The following NT5DC1 variants were observed in gnomAD, a reference collection of about 807,000 sequenced individuals.
The protein encoded by NT5DC1 is 5'-nucleotidase domain-containing protein 1.
Under a neutral mutation model 59.4 loss-of-function variants are expected in NT5DC1, and 42 were observed. The ratio of observed to expected loss-of-function variants is 0.71; its 90% CI spans 0.55 to 0.92. NT5DC1 has a LOEUF of 0.92. Ranked by LOEUF, NT5DC1 falls within the 40% of genes least tolerant of loss-of-function variation. The pLI, the probability that NT5DC1 is intolerant of heterozygous loss-of-function variation, is 0.00. For synonymous variants in NT5DC1, 172 were observed against 188.1 expected (o/e 0.91, Z 0.70); for missense variants, 501 against 537.1 (o/e 0.93, Z 0.66).
In NT5DC1 at chr6:116,245,332, T is replaced by A. The variant is rs1166673484; in HGVS notation, c.*1308T>A. 1.3e-5 allele frequency: 2 copies of A among 152,542 alleles called. No individual in the cohort carries two copies. Among genetic ancestry groups the A allele is most frequent in the East Asian group, 3.9e-4 (2 of 5,192 alleles). The allele number at this position is 152,542 out of a possible 1,614,324, so 9.4% of individuals were successfully genotyped here. On this transcript the variant is annotated 3_prime_UTR_variant, in exon 12 of 12. Coordinates refer to ENST00000319550, the MANE Select transcript of NT5DC1 (RefSeq NM_152729.3). ...CTGGTTTACAAACACTATCATTATT[T>A]TACCTGGATTGAAGTGCAGAATTTG...
chr6:116,170,383 G>C (rs983921791), intron 6 of NT5DC1, among the ~76,000 whole-genome samples: 4 of 152,114 alleles, frequency 2.6e-5, no homozygotes, highest in Non-Finnish European at 5.9e-5. Context: ...ATTCTGCCAC[G>C]TAGTTGGTGT....
intron 6 of NT5DC1, among the ~76,000 whole-genome samples, chr6:116,207,294 A>G (rs925451993): frequency 7.6e-6 from 1 of 132,360 alleles, no homozygotes; most frequent in African/African-American, 3.4e-5. Flanking sequence ...TCCTTTTAAG[A>G]TCAATAGAGT....
chr6:116,197,072 A>AG (rs766667936), intron 6 of NT5DC1, among the ~76,000 whole-genome samples: 15 of 151,850 alleles, frequency 9.9e-5, no homozygotes, highest in Non-Finnish European at 1.9e-4. Context: ...TCAGAGCCAG[A>AG]GGGTCACGGG....
chr6:116,110,433 A>G (rs965565027), intron 3 of NT5DC1, among the ~76,000 whole-genome samples: 5 of 152,170 alleles, frequency 3.3e-5, no homozygotes, highest in Admixed American at 1.3e-4. Context: ...TGTGCCTCCT[A>G]TGGGCCCGAT....
At chr6:116,212,404 A>G (rs996922552) in intron 6 of NT5DC1, among the ~76,000 whole-genome samples, 1 of 152,086 alleles carries the variant, frequency 6.6e-6, no homozygotes, top group East Asian at 1.9e-4. Flanking sequence ...GGGCTTTCCT[A>G]TTTATATAAT....
intron 6 of NT5DC1, among the ~76,000 whole-genome samples, chr6:116,144,787 T>A (rs1436285940): frequency 6.6e-6 from 1 of 152,112 alleles, no homozygotes; most frequent in Non-Finnish European, 1.5e-5. Context: ...ATGGTATTTG[T>A]CCCTGACAAC....
At chr6:116,236,865 C>A (rs1782123383) in intron 8 of NT5DC1, 101 bp from the exon 9 acceptor site, 2 of 699,186 alleles carry the variant, frequency 2.9e-6, no homozygotes, top group Admixed American at 4.7e-5. Context: ...CCACAAGGTT[C>A]TTGTTTGTAC....
intron 6 of NT5DC1, among the ~76,000 whole-genome samples, chr6:116,185,223 G>A (rs1225919731): frequency 6.6e-6 from 1 of 152,062 alleles, no homozygotes; most frequent in African/African-American, 2.4e-5. Context: ...TGGTCTAAGA[G>A]AGTACTTGAT....
intron 1 of NT5DC1, among the ~76,000 whole-genome samples, chr6:116,104,421 A>C (rs2114896501): frequency 6.6e-6 from 1 of 152,312 alleles, no homozygotes; most frequent in East Asian, 1.9e-4. Flanking sequence ...GAATAACTGG[A>C]GAAACTCAAA....
At chr6:116,160,996 G>A (rs944518465) in intron 6 of NT5DC1, among the ~76,000 whole-genome samples, 1 of 151,848 alleles carries the variant, frequency 6.6e-6, no homozygotes, top group African/African-American at 2.4e-5. Flanking sequence ...ATACACCATG[G>A]AATACTATGC....
chr6:116,105,896 GTCA>G (rs1778757401), intron 1 of NT5DC1, among the ~76,000 whole-genome samples: 1 of 152,040 alleles, frequency 6.6e-6, no homozygotes. Context: ...GGATAGAGTG[GTCA>G]TCATCTTTAT....
chr6:116,141,805 G>A (rs1779769695), intron 6 of NT5DC1, among the ~76,000 whole-genome samples: 1 of 144,522 alleles, frequency 6.9e-6, no homozygotes, highest in Non-Finnish European at 1.5e-5. Flanking sequence ...GTTTCCAGTT[G>A]AGGATTATGA....
In NT5DC1 at chr6:116,182,222, A is replaced by AGAGAGAGTGTGTGTGTGTGT. The variant is rs148509481; in HGVS notation, c.530-38831_530-38830insAGAGAGTGTGTGTGTGTGTG. On this transcript the variant is annotated intron_variant, in intron 6 of 11. Transcript: ENST00000319550. ...TATGGCTGAGTAGTATTCCATGGAGAGTGTGTGTGTGTGTGTGTGTGTGTG... is the reference window on the plus strand; with the variant it reads ...TATGGCTGAGTAGTATTCCATGGAGAGAGAGAGTGTGTGTGTGTGTGTGTGTGTGTGTGTGTGTGTGTGTG... Among the ~76,000 whole-genome samples, 3 of 124,606 alleles carry AGAGAGAGTGTGTGTGTGTGT rather than the reference A, an allele frequency of 2.4e-5. No individual in the cohort carries two copies. In the Admixed American group the frequency reaches 2.8e-4, roughly 11 times the overall value. 81.7% of individuals were successfully genotyped at this position (124,606 alleles called of 152,430 possible).
chr6:116,203,290 A>C (rs1781383281), intron 6 of NT5DC1, among the ~76,000 whole-genome samples: 1 of 151,830 alleles, frequency 6.6e-6, no homozygotes, highest in South Asian at 2.1e-4. Flanking sequence ...TCAGTTCTTT[A>C]TTATTACTTT....
intron 6 of NT5DC1, among the ~76,000 whole-genome samples, chr6:116,192,175 G>T (rs1327090799): frequency 6.6e-6 from 1 of 152,024 alleles, no homozygotes; most frequent in African/African-American, 2.4e-5. Context: ...AGAGTTAACT[G>T]TGTGATTTTG....
intron 11 of NT5DC1, among the ~76,000 whole-genome samples, chr6:116,241,600 A>C (rs1771715041): frequency 6.6e-6 from 1 of 152,226 alleles, no homozygotes; most frequent in African/African-American, 2.4e-5. Flanking sequence ...AGAATCTAAA[A>C]GAAAACAAAG....
rs554474916 is a variant in NT5DC1 at position 116,193,700 on chromosome 6, A to T, written c.530-27354A>T. 1.8e-3 allele frequency among the ~76,000 whole-genome samples: 279 copies of T among 152,114 alleles called. 2 individuals are homozygous for T. The South Asian group carries it at 0.019, about 10-fold the overall frequency. On this transcript the variant is annotated intron_variant, in intron 6 of 11. Transcript: ENST00000319550. ...ATTTTCAAAGCGTGCTTTAATTTTA[A>T]CTCTGCTGTAATAAACCTTGAATCT...
intron 6 of NT5DC1, among the ~76,000 whole-genome samples, chr6:116,131,294 G>A (rs1470116755): frequency 6.6e-6 from 1 of 152,084 alleles, no homozygotes; most frequent in Non-Finnish European, 1.5e-5. Flanking sequence ...ATTCAGAGAA[G>A]GGTAGCCTCT....
At chr6:116,147,526 A>G (rs1779929529) in intron 6 of NT5DC1, among the ~76,000 whole-genome samples, 1 of 152,194 alleles carries the variant, frequency 6.6e-6, no homozygotes, top group South Asian at 2.1e-4. Context: ...GTCCTAATAT[A>G]TAAGAAGTTA....
Sources: gnomAD v4.1 joint callset for allele counts (sites outside exome capture counted in the v4.1 genomes callset) on GRCh38, gnomAD v4.1.1 for gene constraint, MANE v1.5 for transcripts, NCBI Gene and HGNC (gene_info 2026-07-23, HGNC 2026-07-21) for gene names.